Variants in C2orf68 observed in about 807,000 individuals in gnomAD.
The protein encoded by C2orf68 is chromosome 2 open reading frame 68.
C2orf68 carries 15 observed loss-of-function variants against 19.1 expected under a neutral mutation model. The ratio of observed to expected loss-of-function variants is 0.79; its 90% CI spans 0.53 to 1.21. The LOEUF (loss-of-function observed/expected upper bound fraction) is 1.21, where lower values mean the gene tolerates loss of function less well. C2orf68 is among the 50% of genes most tolerant of loss of function. The pLI, the probability that C2orf68 is intolerant of heterozygous loss-of-function variation, is 0.00. For missense variants in C2orf68, 242 were observed against 226.6 expected (o/e 1.07, Z -0.44); for synonymous variants, 98 against 91.0 (o/e 1.08, Z -0.44).
rs764892936 is a variant in C2orf68, at chr2:85,607,859, T to C, written c.*1086A>G. ...ATTCAGACGTAAGCCTAACCCTGCA[T>C]TAGAAAAAATGTTCACCGGGTTAGA... On this transcript the variant is annotated 3_prime_UTR_variant, in exon 4 of 4. Coordinates refer to ENST00000306336, the MANE Select transcript of C2orf68 (RefSeq NM_001013649.4). 2.6e-5 allele frequency: 4 copies of C among 152,124 alleles called. No individual in the cohort carries two copies. Among genetic ancestry groups the C allele is most frequent in the Admixed American group, 6.5e-5 (1 of 15,274 alleles). 9.4% of individuals were successfully genotyped at this position (152,124 alleles called of 1,614,324 possible).
At chr2:85,609,370 G>A in intron 3 of C2orf68, 65 bp downstream of exon 3, 2 of 1,576,444 alleles carry the variant, frequency 1.3e-6, no homozygotes, top group South Asian at 2.3e-5. Context: ...CAGGGCTCAG[G>A]GTCTGACAAT....
rs1371961911 is a variant in C2orf68, at chr2:85,609,440, A to G, written c.373T>C (p.Tyr125His). 4.3e-6 allele frequency: 7 copies of G among 1,614,098 alleles called. No homozygotes were observed. The highest frequency in any genetic ancestry group is 5.9e-6 in the Non-Finnish European group (7 of 1,179,964). The part of the protein sequence containing the change: ...DSGEVTSVIV[Y>H]QGDDPGKVSE... ...GCTGTTTCCACCAGGCGTACCTGATAGACGATAACTGATGTGACCTCTCCA... is the reference window on the plus strand; with the variant it reads ...GCTGTTTCCACCAGGCGTACCTGATGGACGATAACTGATGTGACCTCTCCA... Residue 125 changes from tyrosine (Y) to histidine (H), a missense_variant, in exon 3 of 4, where the codon TAT (tyrosine) becomes CAT (histidine). Transcript: ENST00000306336.
At position 85,605,841 on chromosome 2, in the gene C2orf68, G is replaced by A. The variant is rs995877750; in HGVS notation, c.*3104C>T. 6.6e-6 allele frequency among the ~76,000 whole-genome samples: 1 copy of A among 152,174 alleles called. No individual in the cohort carries two copies. Among genetic ancestry groups the A allele is most frequent in the African/African-American group, 2.4e-5 (1 of 41,428 alleles). On this transcript the variant is annotated 3_prime_UTR_variant, in exon 4 of 4. Coordinates refer to ENST00000306336, the MANE Select transcript of C2orf68 (RefSeq NM_001013649.4). ...GCCCCTCAGAGTGCACCATGGAGATGGAATGTCCCTTCCAGAGAGACTTTT... is the reference window on the plus strand; with the variant it reads ...GCCCCTCAGAGTGCACCATGGAGATAGAATGTCCCTTCCAGAGAGACTTTT...
chr2:85,611,169 T>C (rs1200053062), intron 2 of C2orf68: 21 of 907,204 alleles, frequency 2.3e-5, no homozygotes, highest in Middle Eastern at 9.6e-4. Context: ...GATCGCACCA[T>C]TGCACTCCAG....
chr2:85,609,508 G>A lies in C2orf68; in HGVS notation c.305C>T (p.Pro102Leu), dbSNP rs1045590765. Reference sequence around the variant, plus strand: ...TAAGCAGAAGAGCTGATGGCCAGAAGGCTCCAGCTCAGAGCCTCCACTACT... The same window carrying A: ...TAAGCAGAAGAGCTGATGGCCAGAAAGCTCCAGCTCAGAGCCTCCACTACT... ...SSSSGGSELE[P>L]SGHQLFCLEY... Residue 102 changes from proline to leucine, a missense_variant, in exon 3 of 4, where the codon CCT becomes CTT. By Grantham distance (98) the Pro-to-Leu change is moderately conservative (BLOSUM62 -3). Coordinates refer to ENST00000306336, the MANE Select transcript of C2orf68 (RefSeq NM_001013649.4). The A allele has an allele frequency of 2.0e-5, 32 of 1,614,096 alleles. No individual in the cohort carries two copies. The highest frequency in any genetic ancestry group is 1.9e-4 in the African/African-American group (14 of 74,924).
chr2:85,611,878 C>T lies in C2orf68; in HGVS notation c.107G>A (p.Arg36Gln), dbSNP rs758299105. The change falls in exon 1 of 4, where the codon CGG (arginine) becomes CAG (glutamine). Residue 36 changes from arginine to glutamine, a missense_variant and splice_region_variant. Arg to Gln is a conservative substitution (Grantham distance 43). Coordinates refer to ENST00000306336, the MANE Select transcript of C2orf68 (RefSeq NM_001013649.4). ...GCGGCGGCGCAGGGCGGGGCGGTAC[C>T]GAGCGATCTGGTTCCGTCGGATATG... ...VHHIRRNQIARDDYDKKVKQA... is the reference protein window; with the variant it reads ...VHHIRRNQIAQDDYDKKVKQA... 1.3e-6 allele frequency: 2 copies of T among 1,597,404 alleles called. No homozygotes were observed. Among genetic ancestry groups the T allele is most frequent in the East Asian group, 4.5e-5 (2 of 44,436 alleles).
chr2:85,612,002 G>C lies in C2orf68; in HGVS notation c.-18C>G. 1 of 1,498,486 alleles carries C rather than the reference G, an allele frequency of 6.7e-7. No homozygotes were observed. The highest frequency in any genetic ancestry group is 1.2e-5 in the South Asian group (1 of 80,506). The allele number at this position is 1,498,486 out of a possible 1,614,324, so 92.8% of individuals were successfully genotyped here. A position where few individuals can be genotyped will look rare whatever the true frequency, so the allele number is the denominator to read the frequency against. On this transcript the variant is annotated 5_prime_UTR_variant, in exon 1 of 4. Transcript: ENST00000306336. The stretch of plus-strand genomic sequence containing the variant: ...GCCTCCATCAGGAGCCGGGGACGCA[G>C]AGTCGCCGCCGCCTCGACGGCCCCA...
Position 85,608,947 on chromosome 2 carries a change from A to G in C2orf68, c.499T>C (p.Ter167ArgextTer3), listed in dbSNP as rs1673324770. The G allele has an allele frequency of 6.2e-7, 1 of 1,614,120 alleles. No individual in the cohort carries two copies. The highest frequency in any genetic ancestry group is 1.7e-5 in the Admixed American group (1 of 60,012). The stretch of plus-strand genomic sequence containing the variant: ...TGGAGAGAACGCCTTCAACATGGTC[A>G]GTGTTGGCTCTGGCGCTTTGCAATC... ...EEIAKRQSQH[*>R] is the part of the protein sequence containing the mutation. Residue 167 changes from the stop codon to arginine (R), a stop_lost, in exon 4 of 4, where the codon TGA becomes CGA. Coordinates refer to ENST00000306336, the MANE Select transcript of C2orf68 (RefSeq NM_001013649.4).
chr2:85,611,585 G>A, intron 2 of C2orf68, 83 bp downstream of exon 2: 4 of 1,551,996 alleles, frequency 2.6e-6, no homozygotes, highest in Non-Finnish European at 3.5e-6. Flanking sequence ...TTAGGAGTAA[G>A]AAGTGGTTTT....
chr2:85,606,494 G>A lies in C2orf68; in HGVS notation c.*2451C>T, dbSNP rs2104132675. Among the ~76,000 whole-genome samples, 1 of 152,346 alleles carries A rather than the reference G, an allele frequency of 6.6e-6. No individual in the cohort carries two copies. Among genetic ancestry groups the A allele is most frequent in the African/African-American group, 2.4e-5 (1 of 41,580 alleles). ...TTAACTGGCTAAGGGCCATCCTTGG[G>A]CAGGCATTTCAGACACATCTGTAGA... On this transcript the variant is annotated 3_prime_UTR_variant, in exon 4 of 4. Coordinates refer to ENST00000306336, the MANE Select transcript of C2orf68 (RefSeq NM_001013649.4).
rs372399329 is a variant in C2orf68, at chr2:85,609,430, C to T, written c.378+5G>A. On this transcript the variant is annotated splice_donor_5th_base_variant and intron_variant, in intron 3 of 3. Coordinates refer to ENST00000306336, the MANE Select transcript of C2orf68 (RefSeq NM_001013649.4). Reference sequence around the variant, plus strand: ...TCAGGCTGCAGCTGTTTCCACCAGGCGTACCTGATAGACGATAACTGATGT... The same window carrying T: ...TCAGGCTGCAGCTGTTTCCACCAGGTGTACCTGATAGACGATAACTGATGT... The T allele has an allele frequency of 1.5e-4, 237 of 1,613,540 alleles. No individual in the cohort carries two copies. Among genetic ancestry groups the T allele is most frequent in the African/African-American group, 1.7e-4 (13 of 74,924 alleles).
At chr2:85,611,427 G>A in intron 2 of C2orf68, 1 of 1,519,124 alleles carries the variant, frequency 6.6e-7, no homozygotes, top group Non-Finnish European at 8.8e-7. Context: ...CAAACCGGCA[G>A]ATAAACTTCT....
Position 85,611,656 on chromosome 2 carries a change from G to T in C2orf68, c.226+12C>A. On this transcript the variant is annotated intron_variant, in intron 2 of 3. Transcript: ENST00000306336. ...CGCGCGGGCTGGAGGCAGGCGGGGC[G>T]GGCGGCCTCACCTCGGTGTCGCGGC... is the stretch of plus-strand genomic sequence containing the variant. The T allele has an allele frequency of 6.4e-7, 1 of 1,559,304 alleles. No individual in the cohort carries two copies. The highest frequency in any genetic ancestry group is 8.7e-7 in the Non-Finnish European group (1 of 1,151,660).
At chr2:85,611,262 A>G in intron 2 of C2orf68, 1 of 1,386,284 alleles carries the variant, frequency 7.2e-7, no homozygotes, top group Non-Finnish European at 9.3e-7. Context: ...ATTGACCGTC[A>G]TATATTAACC....
chr2:85,609,371 G>A (rs966205631), intron 3 of C2orf68, 64 bp downstream of exon 3: 28 of 1,579,136 alleles, frequency 1.8e-5, no homozygotes, highest in Non-Finnish European at 2.3e-5. Flanking sequence ...AGGGCTCAGG[G>A]TCTGACAATG....
Position 85,608,294 on chromosome 2 carries a change from TA to T in C2orf68, c.*650del. The T allele has an allele frequency of 6.6e-6, 1 of 152,242 alleles. No individual in the cohort carries two copies. Among genetic ancestry groups the T allele is most frequent in the East Asian group, 1.9e-4 (1 of 5,180 alleles). 9.4% of individuals were successfully genotyped at this position (152,242 alleles called of 1,614,324 possible). Reference sequence around the variant, plus strand: ...AAAGGGAGGGAGACATGCTTGCAAATAGGCCTCAAAAATGGAGGTCTCCCAC... The same window carrying T: ...AAAGGGAGGGAGACATGCTTGCAAATGGCCTCAAAAATGGAGGTCTCCCAC... On this transcript the variant is annotated 3_prime_UTR_variant, in exon 4 of 4. Transcript: ENST00000306336.
chr2:85,606,204 G>GT lies in C2orf68; in HGVS notation c.*2740dup, dbSNP rs1440068803. 1.3e-5 allele frequency among the ~76,000 whole-genome samples: 2 copies of GT among 152,164 alleles called. No individual in the cohort carries two copies. The highest frequency in any genetic ancestry group is 1.5e-5 in the Non-Finnish European group (1 of 68,034). On this transcript the variant is annotated 3_prime_UTR_variant, in exon 4 of 4. Coordinates refer to ENST00000306336, the MANE Select transcript of C2orf68 (RefSeq NM_001013649.4). ...TTTTTTAAAGACAGCCAATTACATC[G>GT]TATCTAGTCAAATGAGCGGATTCTA...
At chr2:85,609,165 A>G in intron 3 of C2orf68, 98 bp from the exon 4 acceptor site, 1 of 1,505,264 alleles carries the variant, frequency 6.6e-7, no homozygotes, top group East Asian at 2.3e-5. Flanking sequence ...CATTTAGCTC[A>G]AGGCTTTTTG....
rs750648949 is a variant in C2orf68 at position 85,609,584 on chromosome 2, C to T, written c.229G>A (p.Val77Ile). The change falls in exon 3 of 4, where the codon GTC becomes ATC. Residue 77 changes from valine to isoleucine, a missense_variant and splice_region_variant. Physicochemically the swap from Val to Ile is conservative, Grantham distance 29. Coordinates refer to ENST00000306336, the MANE Select transcript of C2orf68 (RefSeq NM_001013649.4). ...TCTGGGTTGCGTGGGTGGGCAGAGA[C>T]ATCTGGAAGGATGAACCACAGTAAG... ...LQVYLPRHRD[V>I]SAHPRNPDYE... 12 of 1,613,978 alleles carry T rather than the reference C, an allele frequency of 7.4e-6. No individual in the cohort carries two copies. The African/African-American group carries it at 1.1e-4, about 14-fold the overall frequency.
Sources: allele counts gnomAD v4.1 joint callset (sites outside exome capture counted in the v4.1 genomes callset), GRCh38; gene constraint gnomAD v4.1.1; transcripts MANE v1.5; gene names NCBI Gene and HGNC (gene_info 2026-07-23, HGNC 2026-07-21).